Variants in MEI4 observed in about 807,000 individuals in gnomAD.
MEI4 encodes meiotic double-stranded break formation protein 4.
Under a neutral mutation model 31.4 loss-of-function variants are expected in MEI4, and 27 were observed. The observed-to-expected ratio is 0.86, with a 90% CI of 0.63 to 1.19. The LOEUF (loss-of-function observed/expected upper bound fraction) is 1.19, where lower values mean the gene tolerates loss of function less well. MEI4 is among the 50% of genes most tolerant of loss of function. The pLI, the probability that MEI4 is intolerant of heterozygous loss-of-function variation, is 0.00. For missense variants in MEI4, 329 were observed against 398.9 expected (o/e 0.82, Z 1.49); for synonymous variants, 122 against 145.4 (o/e 0.84, Z 1.16).
At chr6:77,734,961 C>T (rs1254093894) in intron 2 of MEI4, among the ~76,000 whole-genome samples, 1 of 151,858 alleles carries the variant, frequency 6.6e-6, no homozygotes, top group Non-Finnish European at 1.5e-5. Flanking sequence ...TGAATATTGG[C>T]CCCCACTCTC....
intron 4 of MEI4, among the ~76,000 whole-genome samples, chr6:77,831,979 C>G (rs542136226): frequency 5.1e-4 from 77 of 151,794 alleles, no homozygotes; most frequent in Non-Finnish European, 1.0e-3. Flanking sequence ...TCCCAATAAC[C>G]CTGATTTGAT....
chr6:77,804,635 A>C (rs1582166601), intron 3 of MEI4, among the ~76,000 whole-genome samples: 1 of 152,078 alleles, frequency 6.6e-6, no homozygotes, highest in Admixed American at 6.5e-5. Flanking sequence ...TTGCTTTATT[A>C]GTAGTTCACA....
intron 2 of MEI4, among the ~76,000 whole-genome samples, chr6:77,706,007 G>A (rs1391794279): frequency 2.0e-5 from 3 of 152,056 alleles, no homozygotes; most frequent in East Asian, 1.9e-4. Context: ...TGAGTACTTC[G>A]AACTGAGGAA....
At chr6:77,747,896 C>T (rs1352148583) in intron 2 of MEI4, among the ~76,000 whole-genome samples, 1 of 152,182 alleles carries the variant, frequency 6.6e-6, no homozygotes, top group Non-Finnish European at 1.5e-5. Context: ...TGGGTAAATG[C>T]TCCTGTTCCA....
intron 2 of MEI4, among the ~76,000 whole-genome samples, chr6:77,743,219 C>T (rs1767468977): frequency 6.6e-6 from 1 of 152,100 alleles, no homozygotes; most frequent in African/African-American, 2.4e-5. Context: ...GGCAGTATGG[C>T]CATTATCATG....
chr6:77,904,546 A>G (rs2127736271), intron 4 of MEI4, among the ~76,000 whole-genome samples: 1 of 152,200 alleles, frequency 6.6e-6, no homozygotes, highest in East Asian at 1.9e-4. Context: ...TCACTTATAA[A>G]TGAGAACATA....
In MEI4 at chr6:77,763,531, A is replaced by G. The variant is rs10223549; in HGVS notation, c.768+1866A>G. ...AAGCCATTCATTCACTTGTTCTTCT[A>G]CTGTTGACCAACTGTTCAGCAATGG... On this transcript the variant is annotated intron_variant, in intron 3 of 4. Transcript: ENST00000684080. Among the ~76,000 whole-genome samples the G allele has an allele frequency of 3.4e-3, 511 of 152,246 alleles. 2 individuals carry two copies. Among genetic ancestry groups the G allele is most frequent in the African/African-American group, 0.012 (498 of 41,548 alleles).
chr6:77,691,439 G>A (rs961021861), intron 2 of MEI4, among the ~76,000 whole-genome samples: 2 of 152,010 alleles, frequency 1.3e-5, no homozygotes, highest in Non-Finnish European at 2.9e-5. Context: ...TTCTGGGAAG[G>A]CTTCTTACCT....
At chr6:77,678,754 G>A (rs749377825) in intron 1 of MEI4, among the ~76,000 whole-genome samples, 3 of 152,082 alleles carry the variant, frequency 2.0e-5, no homozygotes, top group Non-Finnish European at 4.4e-5. Context: ...AGAGTCTCAG[G>A]TGGGTCCTAC....
chr6:77,801,935 A>G (rs938669341), intron 3 of MEI4, among the ~76,000 whole-genome samples: 2 of 152,152 alleles, frequency 1.3e-5, no homozygotes, highest in Admixed American at 6.5e-5. Context: ...GCTGAAAGGA[A>G]TGTATATTCT....
chr6:77,893,291 A>G (rs970602488), intron 4 of MEI4, among the ~76,000 whole-genome samples: 1 of 152,184 alleles, frequency 6.6e-6, no homozygotes, highest in African/African-American at 2.4e-5. Context: ...TAACATATGC[A>G]TCCTAAGTTA....
chr6:77,911,182 A>G (rs900566403), intron 4 of MEI4, among the ~76,000 whole-genome samples: 1 of 151,984 alleles, frequency 6.6e-6, no homozygotes, highest in African/African-American at 2.4e-5. Flanking sequence ...TTATTTAGAT[A>G]AGTAGTTGGC....
At chr6:77,916,901 C>A (rs1309863426) in intron 4 of MEI4, among the ~76,000 whole-genome samples, 2 of 151,028 alleles carry the variant, frequency 1.3e-5, no homozygotes, top group Non-Finnish European at 3.0e-5. Flanking sequence ...GTATATCTCC[C>A]AATGCTATCC....
rs1270944639 is a variant in MEI4 at position 77,923,596 on chromosome 6, C to CTCAATATAG, written c.*252_*260dup. ...TCCCATGTAACTGTATCTTATTTCA[C>CTCAATATAG]TCAATATAGTTTAGCTCTATTATTC... On this transcript the variant is annotated 3_prime_UTR_variant, in exon 5 of 5. Coordinates refer to ENST00000684080, the MANE Select transcript of MEI4 (RefSeq NM_001322247.2). The CTCAATATAG allele has an allele frequency of 3.9e-6, 1 of 259,584 alleles. No individual in the cohort carries two copies. The highest frequency in any genetic ancestry group is 7.2e-6 in the Non-Finnish European group (1 of 139,414). 16.1% of individuals were successfully genotyped at this position (259,584 alleles called of 1,614,324 possible).
rs918744802 is a variant in MEI4, at chr6:77,919,616, A to G, written c.901-3473A>G. On this transcript the variant is annotated intron_variant, in intron 4 of 4. Coordinates refer to ENST00000684080, the MANE Select transcript of MEI4 (RefSeq NM_001322247.2). ...ACAAAAGCAAGAGCAAACACATTCA[A>G]AAGCTAGCAGAAGGCAAGAAATAAC... is the stretch of plus-strand genomic sequence containing the variant. Among the ~76,000 whole-genome samples, 7 of 151,790 alleles carry G rather than the reference A, an allele frequency of 4.6e-5. No individual in the cohort carries two copies. The East Asian group carries it at 1.4e-3, about 30-fold the overall frequency.
intron 4 of MEI4, among the ~76,000 whole-genome samples, chr6:77,873,876 GCTTGTTTTT>G (rs1771262479): frequency 1.3e-5 from 2 of 152,250 alleles, no homozygotes; most frequent in Middle Eastern, 3.4e-3. Context: ...CTTCCCCATT[GCTTGTTTTT>G]CTCAGGTTTG....
At chr6:77,736,386 G>A (rs949888166) in intron 2 of MEI4, among the ~76,000 whole-genome samples, 1 of 152,048 alleles carries the variant, frequency 6.6e-6, no homozygotes, top group Admixed American at 6.5e-5. Flanking sequence ...GGGTGGGAGT[G>A]ACCCGATTTT....
chr6:77,842,130 A>G lies in MEI4; in HGVS notation c.900+13068A>G, dbSNP rs7451064. The stretch of plus-strand genomic sequence containing the variant: ...ACTTCACCCAATAACAGCCAAATTC[A>G]TAGTCTTTTCAAGGGGGATTGAGAT... On this transcript the variant is annotated intron_variant, in intron 4 of 4. Coordinates refer to ENST00000684080, the MANE Select transcript of MEI4 (RefSeq NM_001322247.2). 5.2e-3 allele frequency among the ~76,000 whole-genome samples: 798 copies of G among 152,302 alleles called. 11 individuals are homozygous for G. Among genetic ancestry groups the G allele is most frequent in the African/African-American group, 0.018 (740 of 41,572 alleles).
At chr6:77,889,043 A>G (rs1771693193) in intron 4 of MEI4, among the ~76,000 whole-genome samples, 1 of 152,192 alleles carries the variant, frequency 6.6e-6, no homozygotes, top group African/African-American at 2.4e-5. Context: ...TGAGTCAATT[A>G]AACTTCTCCT....
Sources: gnomAD v4.1 joint callset for allele counts (sites outside exome capture counted in the v4.1 genomes callset) on GRCh38, gnomAD v4.1.1 for gene constraint, MANE v1.5 for transcripts, NCBI Gene and HGNC (gene_info 2026-07-23, HGNC 2026-07-21) for gene names.